Variants in NEGR1 observed in about 807,000 individuals in gnomAD.
NEGR1 encodes the protein IgLON family member 4.
In NEGR1, 10 loss-of-function variants were observed where a neutral mutation model predicts 40.9. That is an observed-to-expected ratio of 0.24 (90% CI 0.15 to 0.42). The LOEUF (loss-of-function observed/expected upper bound fraction) is 0.42. NEGR1 is among the 10% of genes least tolerant of loss of function. NEGR1 has a pLI of 1.00. For synonymous variants in NEGR1, 185 were observed against 166.8 expected (o/e 1.11, Z -0.84); for missense variants, 352 against 438.9 (o/e 0.80, Z 1.77).
At chr1:72,094,063 T>A (rs1648603618) in intron 1 of NEGR1, among the ~76,000 whole-genome samples, 1 of 152,178 alleles carries the variant, frequency 6.6e-6, no homozygotes, top group South Asian at 2.1e-4. Flanking sequence ...TAATCAGTGG[T>A]GTCACTTCTT....
chr1:71,724,487 T>C (rs982163069), intron 3 of NEGR1, among the ~76,000 whole-genome samples: 3 of 152,226 alleles, frequency 2.0e-5, no homozygotes, highest in Non-Finnish European at 2.9e-5. Context: ...TTTTGCATCA[T>C]ATTTTCTTGC....
intron 1 of NEGR1, among the ~76,000 whole-genome samples, chr1:72,262,803 A>T (rs917518947): frequency 2.6e-5 from 4 of 151,378 alleles, no homozygotes; most frequent in East Asian, 3.9e-4. Context: ...AATCTCTTAT[A>T]AAAAAAATCT....
chr1:71,591,809 A>G (rs1649507947), intron 6 of NEGR1, among the ~76,000 whole-genome samples: 1 of 152,128 alleles, frequency 6.6e-6, no homozygotes, highest in African/African-American at 2.4e-5. Flanking sequence ...AAGCTCATAA[A>G]TCATGGAAAC....
At chr1:71,429,170 T>A (rs1475735559) in intron 6 of NEGR1, among the ~76,000 whole-genome samples, 1 of 152,190 alleles carries the variant, frequency 6.6e-6, no homozygotes, top group African/African-American at 2.4e-5. Context: ...CTGGTGGTAC[T>A]GGTACACATA....
chr1:71,722,265 T>C (rs1654533216), intron 3 of NEGR1, among the ~76,000 whole-genome samples: 1 of 152,100 alleles, frequency 6.6e-6, no homozygotes, highest in South Asian at 2.1e-4. Flanking sequence ...TCCCTTCCCT[T>C]GTACATAGAC....
intron 6 of NEGR1, among the ~76,000 whole-genome samples, chr1:71,551,177 C>G (rs542563943): frequency 6.6e-6 from 1 of 151,656 alleles, no homozygotes; most frequent in South Asian, 2.1e-4. Flanking sequence ...TTCATTTCAT[C>G]AAAAATGTGA....
chr1:71,784,107 A>G (rs930523452), intron 2 of NEGR1, among the ~76,000 whole-genome samples: 31 of 152,196 alleles, frequency 2.0e-4, no homozygotes, highest in African/African-American at 7.2e-4. Flanking sequence ...GAATTTGAAC[A>G]GAATTTGGTG....
At chr1:71,412,026 G>T (rs745844714) in intron 6 of NEGR1, among the ~76,000 whole-genome samples, 5 of 151,864 alleles carry the variant, frequency 3.3e-5, no homozygotes, top group Non-Finnish European at 5.9e-5. Flanking sequence ...GCCTATCCTA[G>T]CTCACCTTCA....
Position 71,999,632 on chromosome 1 carries a change from AATATATATATATATATATATATAT to A in NEGR1, c.177-64345_177-64322del, listed in dbSNP as rs528857972. Among the ~76,000 whole-genome samples, 350 of 48,366 alleles carry A rather than the reference AATATATATATATATATATATATAT, an allele frequency of 7.2e-3. 17 individuals are homozygous for A. Among genetic ancestry groups the A allele is most frequent in the Non-Finnish European group, 8.5e-3 (213 of 25,044 alleles). The allele number at this position is 48,366 out of a possible 152,430, so 31.7% of individuals were successfully genotyped here. On this transcript the variant is annotated intron_variant, in intron 1 of 6. Coordinates refer to ENST00000357731, the MANE Select transcript of NEGR1 (RefSeq NM_173808.3). ...ATGTATTTGCATCTTGAGCAAAGCAAATATATATATATATATATATATATATATATATATATATATATATATACA... is the reference window on the plus strand; with the variant it reads ...ATGTATTTGCATCTTGAGCAAAGCAAATATATATATATATATATATATACA...
intron 2 of NEGR1, among the ~76,000 whole-genome samples, chr1:71,884,267 T>A (rs1333928398): frequency 6.6e-6 from 1 of 152,140 alleles, no homozygotes; most frequent in East Asian, 1.9e-4. Context: ...TTGCCTCACT[T>A]CTTGGGTGGG....
At chr1:71,945,336 T>C (rs987882172) in intron 1 of NEGR1, among the ~76,000 whole-genome samples, 2 of 152,140 alleles carry the variant, frequency 1.3e-5, no homozygotes, top group East Asian at 3.8e-4. Flanking sequence ...TCAGGTTAAC[T>C]ATTATTACCC....
chr1:72,033,714 T>C (rs1414476297), intron 1 of NEGR1, among the ~76,000 whole-genome samples: 1 of 152,210 alleles, frequency 6.6e-6, no homozygotes, highest in African/African-American at 2.4e-5. Context: ...TTTAAGGACC[T>C]GCATGTTTAG....
At chr1:72,004,281 C>T (rs956355389) in intron 1 of NEGR1, among the ~76,000 whole-genome samples, 1 of 151,986 alleles carries the variant, frequency 6.6e-6, no homozygotes, top group Admixed American at 6.6e-5. Flanking sequence ...TAACGTGTTT[C>T]TTCTCTGGAA....
intron 6 of NEGR1, among the ~76,000 whole-genome samples, chr1:71,416,709 T>C (rs1304728953): frequency 6.6e-6 from 1 of 152,208 alleles, no homozygotes. Flanking sequence ...ACTTTTTCAG[T>C]CTTATACCTG....
chr1:71,999,514 A>G (rs1646535501), intron 1 of NEGR1, among the ~76,000 whole-genome samples: 1 of 150,524 alleles, frequency 6.6e-6, no homozygotes, highest in Non-Finnish European at 1.5e-5. Context: ...TTCTTCATCT[A>G]TTTACAAGCA....
intron 2 of NEGR1, among the ~76,000 whole-genome samples, chr1:71,904,038 G>A (rs1005265922): frequency 5.3e-5 from 8 of 151,872 alleles, no homozygotes; most frequent in Non-Finnish European, 1.2e-4. Flanking sequence ...AGGACTCCAT[G>A]TAATCACTCT....
chr1:71,672,776 T>C (rs1183534534), intron 4 of NEGR1, among the ~76,000 whole-genome samples: 2 of 152,148 alleles, frequency 1.3e-5, no homozygotes, highest in Non-Finnish European at 2.9e-5. Flanking sequence ...CAGAAAAATA[T>C]AGTTGGTGTC....
chr1:71,947,550 G>A (rs1402299324), intron 1 of NEGR1, among the ~76,000 whole-genome samples: 1 of 152,172 alleles, frequency 6.6e-6, no homozygotes, highest in Non-Finnish European at 1.5e-5. Flanking sequence ...AAAGCAAGTT[G>A]TAAACCACCT....
At chr1:72,136,536 A>G (rs1419725984) in intron 1 of NEGR1, among the ~76,000 whole-genome samples, 1 of 151,784 alleles carries the variant, frequency 6.6e-6, no homozygotes, top group East Asian at 1.9e-4. Flanking sequence ...AATGACTTCC[A>G]GAAATAATGA....
Sources: gnomAD v4.1 joint callset for allele counts (sites outside exome capture counted in the v4.1 genomes callset) on GRCh38, gnomAD v4.1.1 for gene constraint, MANE v1.5 for transcripts, NCBI Gene and HGNC (gene_info 2026-07-23, HGNC 2026-07-21) for gene names.